TBC1D5: variants seen among roughly 807,000 people sequenced by gnomAD.
The protein encoded by TBC1D5 is TBC1 domain family, member 5.
A neutral mutation model predicts 100.3 loss-of-function variants in TBC1D5; 75 were observed. The observed-to-expected ratio is 0.75, with a 90% CI of 0.62 to 0.91. TBC1D5 has a LOEUF of 0.91. TBC1D5 is among the 40% of genes least tolerant of loss of function. The probability of loss-of-function intolerance (pLI) is 0.00; values close to 1 mark genes in which losing one functional copy is unlikely to be tolerated. For missense variants in TBC1D5, 910 were observed against 942.4 expected, an observed-to-expected ratio of 0.97 and a Z score of 0.45; for synonymous variants, 323 against 325.6, an observed-to-expected ratio of 0.99 and a Z score of 0.09.
chr3:17,516,425 T>C (rs2095988863), intron 2 of TBC1D5, among the ~76,000 whole-genome samples: 1 of 152,114 alleles, frequency 6.6e-6, no homozygotes, highest in Admixed American at 6.5e-5. Context: ...TTAAATAAAT[T>C]ATAATAAAGT....
At chr3:17,276,289 C>A (rs552956060) in intron 15 of TBC1D5, among the ~76,000 whole-genome samples, 21 of 152,212 alleles carry the variant, frequency 1.4e-4, no homozygotes, top group African/African-American at 4.8e-4. Flanking sequence ...CCCTCACGAC[C>A]TAATCACTTC....
At chr3:17,547,902 G>C (rs2096434304) in intron 2 of TBC1D5, among the ~76,000 whole-genome samples, 1 of 152,156 alleles carries the variant, frequency 6.6e-6, no homozygotes, top group Non-Finnish European at 1.5e-5. Flanking sequence ...TTACAATCTT[G>C]TCTGATTTTT....
At chr3:17,291,972 C>T (rs143029277) in exon 15 of TBC1D5, 27 of 1,613,402 alleles carry the variant, frequency 1.7e-5, no homozygotes, top group Non-Finnish European at 2.0e-5. Flanking sequence ...ATCAGAAGGC[C>T]GAGACAGGTC....
intron 2 of TBC1D5, among the ~76,000 whole-genome samples, chr3:17,618,165 G>T (rs937753013): frequency 6.6e-6 from 1 of 152,300 alleles, no homozygotes; most frequent in Admixed American, 6.5e-5. Context: ...CTCAGCTGCA[G>T]GTCTGTTGGA....
intron 19 of TBC1D5, among the ~76,000 whole-genome samples, chr3:17,173,003 A>C (rs1390334072): frequency 1.3e-5 from 2 of 152,156 alleles, no homozygotes; most frequent in African/African-American, 4.8e-5. Flanking sequence ...ATGGCTGTGA[A>C]GAAACAGGGA....
At chr3:17,181,794 C>T (rs2068481125) in intron 19 of TBC1D5, among the ~76,000 whole-genome samples, 2 of 152,212 alleles carry the variant, frequency 1.3e-5, no homozygotes, top group African/African-American at 4.8e-5. Flanking sequence ...TAGGCAACCA[C>T]TGTTAACAGT....
chr3:17,285,918 T>G (rs1446660628), intron 15 of TBC1D5, among the ~76,000 whole-genome samples: 2 of 152,248 alleles, frequency 1.3e-5, no homozygotes, highest in African/African-American at 4.8e-5. Flanking sequence ...TGTGTTTCTG[T>G]GTACAAGAAT....
chr3:17,563,910 G>T (rs558746272), intron 2 of TBC1D5, among the ~76,000 whole-genome samples: 1 of 152,282 alleles, frequency 6.6e-6, no homozygotes, highest in African/African-American at 2.4e-5. Flanking sequence ...AGCCTCCCGA[G>T]TAGCTGGGAC....
chr3:17,320,787 T>C (rs1020556224), intron 13 of TBC1D5, among the ~76,000 whole-genome samples: 1 of 152,228 alleles, frequency 6.6e-6, no homozygotes, highest in South Asian at 2.1e-4. Flanking sequence ...CCCTAATGAA[T>C]TGAAATTCTA....
intron 1 of TBC1D5, among the ~76,000 whole-genome samples, chr3:17,706,608 T>C (rs2074208199): frequency 6.6e-6 from 1 of 152,140 alleles, no homozygotes; most frequent in African/African-American, 2.4e-5. Context: ...ACATTGCAAA[T>C]ATTAGCAAGA....
chr3:17,466,659 G>C (rs1237341724), intron 3 of TBC1D5, among the ~76,000 whole-genome samples: 4 of 151,988 alleles, frequency 2.6e-5, no homozygotes, highest in African/African-American at 4.8e-5. Context: ...TTCCTTTAAG[G>C]ATTCTTTTTT....
At chr3:17,319,428 T>C (rs948098657) in intron 13 of TBC1D5, among the ~76,000 whole-genome samples, 2 of 123,192 alleles carry the variant, frequency 1.6e-5, no homozygotes, top group African/African-American at 6.1e-5. Context: ...GTTTTGCTAA[T>C]TTATAGGTTT....
At chr3:17,714,065 G>C (rs2075010289) in intron 1 of TBC1D5, among the ~76,000 whole-genome samples, 1 of 152,164 alleles carries the variant, frequency 6.6e-6, no homozygotes, top group Admixed American at 6.5e-5. Context: ...GCCTTAGGCT[G>C]TCTTCCCTGT....
chr3:17,601,161 T>C (rs1414490306), intron 2 of TBC1D5, among the ~76,000 whole-genome samples: 5 of 152,174 alleles, frequency 3.3e-5, no homozygotes, highest in Non-Finnish European at 5.9e-5. Flanking sequence ...GCCTATATAG[T>C]CATTGAAATA....
intron 3 of TBC1D5, among the ~76,000 whole-genome samples, chr3:17,484,209 T>A (rs2095532198): frequency 6.6e-6 from 1 of 152,140 alleles, no homozygotes; most frequent in Non-Finnish European, 1.5e-5. Context: ...TGATGTGCAA[T>A]AGAGTACTAT....
At chr3:17,163,486 G>A (rs749818831) in intron 21 of TBC1D5, among the ~76,000 whole-genome samples, 2 of 152,072 alleles carry the variant, frequency 1.3e-5, no homozygotes, top group African/African-American at 2.4e-5. Flanking sequence ...TAAATCCCTA[G>A]GTCAATCCTC....
At chr3:17,412,390 A>C (rs578174691) in intron 4 of TBC1D5, among the ~76,000 whole-genome samples, 1 of 152,176 alleles carries the variant, frequency 6.6e-6, no homozygotes, top group Non-Finnish European at 1.5e-5. Context: ...TGAGAATCAA[A>C]CATTAAACAG....
At chr3:17,494,393 C>A (rs907279337) in intron 3 of TBC1D5, among the ~76,000 whole-genome samples, 1 of 152,306 alleles carries the variant, frequency 6.6e-6, no homozygotes, top group East Asian at 1.9e-4. Context: ...TCAGGAGGCA[C>A]GGAATCAGGA....
intron 3 of TBC1D5, among the ~76,000 whole-genome samples, chr3:17,438,619 A>C (rs1297201656): frequency 6.6e-6 from 1 of 152,138 alleles, no homozygotes; most frequent in Non-Finnish European, 1.5e-5. Context: ...TGCAGAACAG[A>C]GTCAATTAAA....
Sources: allele counts gnomAD v4.1 joint callset (sites outside exome capture counted in the v4.1 genomes callset), GRCh38; gene constraint gnomAD v4.1.1; transcripts MANE v1.5; gene names NCBI Gene and HGNC (gene_info 2026-07-23, HGNC 2026-07-21).